The following WDFY2 variants were observed in gnomAD, a reference collection of about 807,000 sequenced individuals.
WDFY2 encodes the protein WD repeat and FYVE domain containing 2.
A neutral mutation model predicts 56.4 loss-of-function variants in WDFY2; 36 were observed. The ratio of observed to expected loss-of-function variants is 0.64; its 90% CI spans 0.49 to 0.84. The LOEUF is 0.84. Among genes scored for constraint, WDFY2 ranks in the 40% least tolerant of loss-of-function variants. WDFY2 has a pLI of 0.00. For synonymous variants in WDFY2, 176 were observed against 183.7 expected (o/e 0.96, Z 0.34); for missense variants, 444 against 512.2 (o/e 0.87, Z 1.29).
chr13:51,694,918 T>C (rs1951830537), intron 3 of WDFY2, among the ~76,000 whole-genome samples: 1 of 152,170 alleles, frequency 6.6e-6, no homozygotes, highest in Non-Finnish European at 1.5e-5. Flanking sequence ...CCTTCTCACT[T>C]CATTTCATTC....
chr13:51,722,062 T>C (rs1219031011), intron 5 of WDFY2, among the ~76,000 whole-genome samples: 1 of 146,838 alleles, frequency 6.8e-6, no homozygotes, highest in East Asian at 2.0e-4. Context: ...TTGTTGTTTG[T>C]TTGTTTTAGT....
At chr13:51,584,876 C>T (rs1269557099) in intron 1 of WDFY2, 52 bp downstream of exon 1, 2 of 1,603,926 alleles carry the variant, frequency 1.2e-6, no homozygotes, top group African/African-American at 1.3e-5. Context: ...GGCCGACGGC[C>T]CTCGAGCCCG....
chr13:51,584,711 G>C lies in WDFY2; in HGVS notation c.24G>C (p.Lys8Asn), dbSNP rs572094629. 2.5e-6 allele frequency: 4 copies of C among 1,613,282 alleles called. No homozygotes were observed. The East Asian group carries it at 8.9e-5, about 36-fold the overall frequency. The change falls in exon 1 of 12, where the codon AAG becomes AAC. Residue 8 changes from lysine to asparagine, a missense_variant. Lys to Asn is a moderately conservative substitution (Grantham distance 94). Transcript: ENST00000298125. Reference sequence around the variant, plus strand: ...CGATGGCGGCGGAGATCCAGCCCAAGCCTCTGACCCGCAAGCCGATCCTGC... The same window carrying C: ...CGATGGCGGCGGAGATCCAGCCCAACCCTCTGACCCGCAAGCCGATCCTGC... MAAEIQP[K>N]PLTRKPILLQ...
intron 9 of WDFY2, 94 bp from the exon 10 acceptor site, chr13:51,756,238 G>A (rs1953376778): frequency 6.6e-6 from 10 of 1,515,622 alleles, no homozygotes; most frequent in Non-Finnish European, 8.8e-6. Flanking sequence ...CCTGGATGCA[G>A]TTGATTACAC....
rs948625719 is a variant in WDFY2, at chr13:51,764,077, C to T, written c.*4308C>T. The stretch of plus-strand genomic sequence containing the variant: ...TATTGAATTTTTCCTGGTACGAAGA[C>T]AGATATTTATTAACTTGATTGGAAA... On this transcript the variant is annotated 3_prime_UTR_variant, in exon 12 of 12. Transcript: ENST00000298125. The T allele has an allele frequency of 4.6e-5, 7 of 152,270 alleles. No homozygotes were observed. The highest frequency in any genetic ancestry group is 2.1e-4 in the South Asian group (1 of 4,830). The allele number at this position is 152,270 out of a possible 1,614,324, so 9.4% of individuals were successfully genotyped here.
At chr13:51,702,477 T>C (rs541214897) in intron 3 of WDFY2, among the ~76,000 whole-genome samples, 1 of 152,304 alleles carries the variant, frequency 6.6e-6, no homozygotes, top group African/African-American at 2.4e-5. Context: ...AGAAAATTCA[T>C]TTGTAGATAA....
intron 3 of WDFY2, among the ~76,000 whole-genome samples, chr13:51,702,125 A>G (rs774597113): frequency 6.6e-6 from 1 of 152,144 alleles, no homozygotes; most frequent in Non-Finnish European, 1.5e-5. Context: ...CAGCCTGGCC[A>G]ACATGGTGGA....
intron 1 of WDFY2, among the ~76,000 whole-genome samples, chr13:51,626,982 A>T (rs955713680): frequency 4.6e-5 from 7 of 152,202 alleles, no homozygotes; most frequent in Non-Finnish European, 1.0e-4. Flanking sequence ...GCCAGCCAGC[A>T]TGGGATCTGG....
At position 51,760,002 on chromosome 13, in the gene WDFY2, G is replaced by A. The variant is rs1809964373; in HGVS notation, c.*233G>A. ...AAAGAAGCTATTTTTTTAACAAATG[G>A]TTTATACAGTCTGGCTGTGCTGCAT... is the stretch of plus-strand genomic sequence containing the variant. On this transcript the variant is annotated 3_prime_UTR_variant, in exon 12 of 12. Coordinates refer to ENST00000298125, the MANE Select transcript of WDFY2 (RefSeq NM_052950.4). 1 of 475,166 alleles carries A rather than the reference G, an allele frequency of 2.1e-6. No homozygotes were observed. Among genetic ancestry groups the A allele is most frequent in the South Asian group, 4.2e-5 (1 of 23,766 alleles). 29.4% of individuals were successfully genotyped at this position (475,166 alleles called of 1,614,324 possible). A position where few individuals can be genotyped will look rare whatever the true frequency, so the allele number is the denominator to read the frequency against.
chr13:51,657,565 C>T (rs973015344), intron 1 of WDFY2, among the ~76,000 whole-genome samples: 1 of 152,152 alleles, frequency 6.6e-6, no homozygotes, highest in African/African-American at 2.4e-5. Context: ...ATCTGTCTTA[C>T]TATAGGAATT....
intron 4 of WDFY2, among the ~76,000 whole-genome samples, chr13:51,711,292 C>G (rs534565106): frequency 5.4e-4 from 82 of 152,218 alleles, no homozygotes; most frequent in African/African-American, 1.3e-3. Flanking sequence ...ATTAATTCAA[C>G]ATGGATTAAA....
chr13:51,708,119 C>T (rs1280110611), intron 4 of WDFY2, among the ~76,000 whole-genome samples: 7 of 151,168 alleles, frequency 4.6e-5, no homozygotes, highest in African/African-American at 9.7e-5. Context: ...CTAATATTTG[C>T]GATCCACCTG....
In WDFY2 at chr13:51,766,264, G is replaced by A. The variant is rs1251742330; in HGVS notation, c.*6495G>A. On this transcript the variant is annotated 3_prime_UTR_variant, in exon 12 of 12. Coordinates refer to ENST00000298125, the MANE Select transcript of WDFY2 (RefSeq NM_052950.4). ...TCTTTATATGAAATGTACAAAAACC[G>A]TTACTAACTGGACAACAGGGAAGGT... is the stretch of plus-strand genomic sequence containing the variant. 6.6e-6 allele frequency: 1 copy of A among 152,132 alleles called. No homozygotes were observed. The highest frequency in any genetic ancestry group is 1.5e-5 in the Non-Finnish European group (1 of 68,038). The allele number at this position is 152,132 out of a possible 1,614,324, so 9.4% of individuals were successfully genotyped here. A position where few individuals can be genotyped will look rare whatever the true frequency, so the allele number is the denominator to read the frequency against.
chr13:51,605,093 C>CA (rs747687399), intron 1 of WDFY2, among the ~76,000 whole-genome samples: 6 of 152,172 alleles, frequency 3.9e-5, no homozygotes, highest in Non-Finnish European at 8.8e-5. Flanking sequence ...AGACAGCAAT[C>CA]AAAGAGAATG....
At chr13:51,677,461 A>G (rs1198323942) in intron 3 of WDFY2, among the ~76,000 whole-genome samples, 1 of 152,226 alleles carries the variant, frequency 6.6e-6, no homozygotes, top group Non-Finnish European at 1.5e-5. Context: ...ACTTAGTCTC[A>G]GCTGTTTTAA....
intron 1 of WDFY2, among the ~76,000 whole-genome samples, chr13:51,647,930 A>G (rs991323380): frequency 6.6e-6 from 1 of 152,156 alleles, no homozygotes; most frequent in African/African-American, 2.4e-5. Flanking sequence ...CTGCCAGCTT[A>G]TGTGTGTCAG....
chr13:51,648,565 T>C (rs907143919), intron 1 of WDFY2, among the ~76,000 whole-genome samples: 10 of 152,074 alleles, frequency 6.6e-5, no homozygotes, highest in African/African-American at 2.4e-4. Context: ...AGAACTTTGA[T>C]ATAAACACCA....
intron 1 of WDFY2, chr13:51,592,112 G>A (rs1031245325): frequency 1.3e-5 from 2 of 151,492 alleles, no homozygotes; most frequent in African/African-American, 4.9e-5. Flanking sequence ...CTGCATGTTG[G>A]GCACATGTAC....
intron 1 of WDFY2, chr13:51,586,762 A>G (rs537053598): frequency 6.2e-4 from 94 of 152,338 alleles, no homozygotes; most frequent in African/African-American, 2.2e-3. Flanking sequence ...CTAGTGTACA[A>G]TGTAAATAAT....
Sources: allele counts gnomAD v4.1 joint callset (sites outside exome capture counted in the v4.1 genomes callset), GRCh38; gene constraint gnomAD v4.1.1; transcripts MANE v1.5; gene names NCBI Gene and HGNC (gene_info 2026-07-23, HGNC 2026-07-21).